The following DOP1B variants were observed in gnomAD, a reference collection of about 807,000 sequenced individuals.
The protein encoded by DOP1B is protein DOP1B.
Under a neutral mutation model 233.5 loss-of-function variants are expected in DOP1B, and 174 were observed. The ratio of observed to expected loss-of-function variants is 0.75; its 90% CI spans 0.66 to 0.85. The LOEUF is 0.85. Ranked by LOEUF, DOP1B falls within the 40% of genes least tolerant of loss-of-function variation. DOP1B has a pLI of 0.00. For missense variants in DOP1B, 2,652 were observed against 2,846.6 expected, an observed-to-expected ratio of 0.93 and a Z score of 1.56; for synonymous variants, 1,190 against 1,185.6, an observed-to-expected ratio of 1.00 and a Z score of -0.08.
chr21:36,221,531 A>G (rs2066622681), intron 10 of DOP1B, among the ~76,000 whole-genome samples: 1 of 151,992 alleles, frequency 6.6e-6, no homozygotes, highest in Non-Finnish European at 1.5e-5. Flanking sequence ...TGACTGACCA[A>G]TTTCTTATTG....
intron 12 of DOP1B, among the ~76,000 whole-genome samples, chr21:36,225,945 C>T (rs909424853): frequency 6.6e-6 from 1 of 152,214 alleles, no homozygotes; most frequent in African/African-American, 2.4e-5. Context: ...TCCCGTACTA[C>T]AGTTACTTTA....
At chr21:36,280,245 C>T in intron 30 of DOP1B, 40 bp from the exon 31 acceptor site, 1 of 1,356,844 alleles carries the variant, frequency 7.4e-7, no homozygotes, top group Non-Finnish European at 1.0e-6. Flanking sequence ...AACTATCATC[C>T]ACTGCAAATT....
At chr21:36,199,312 C>T (rs2066331112) in intron 3 of DOP1B, 61 bp downstream of exon 3, 1 of 1,549,536 alleles carries the variant, frequency 6.5e-7, no homozygotes, top group African/African-American at 1.4e-5. Context: ...TTTCAGCTCA[C>T]AAGATGAGAA....
At chr21:36,178,219 A>G (rs1396846571) in intron 2 of DOP1B, among the ~76,000 whole-genome samples, 1 of 152,208 alleles carries the variant, frequency 6.6e-6, no homozygotes. Flanking sequence ...GGGCAGGCAC[A>G]GTGGCTCACA....
intron 32 of DOP1B, among the ~76,000 whole-genome samples, chr21:36,282,133 A>G (rs2067424101): frequency 6.6e-6 from 1 of 152,138 alleles, no homozygotes; most frequent in Non-Finnish European, 1.5e-5. Context: ...TTTAAAATCA[A>G]TTATAGGTCA....
intron 12 of DOP1B, among the ~76,000 whole-genome samples, chr21:36,227,154 GC>G (rs2066696561): frequency 6.7e-6 from 1 of 150,124 alleles, no homozygotes; most frequent in Admixed American, 6.7e-5. Flanking sequence ...CTTGCAGTGA[GC>G]CGAGATCACA....
Position 36,245,227 on chromosome 21 carries a change from G to A in DOP1B, c.3247G>A (p.Glu1083Lys), listed in dbSNP as rs752679000. ...GCCCGAGAAGTACCCGCTGCGAGGC[G>A]AGCTGAGCGAGGAAGAGCTGCCCTA... ...KEPEKYPLRGELSEEELPYYV... is the reference protein window; with the variant it reads ...KEPEKYPLRGKLSEEELPYYV... Residue 1083 changes from glutamate to lysine, a missense_variant, in exon 19 of 37, where the codon GAG becomes AAG. Glu to Lys is a moderately conservative substitution (Grantham distance 56, BLOSUM62 1). Around this residue, in one of 3 missense-constraint regions of DOP1B, gnomAD observed 2,617 missense variants for 2,794.3 expected, o/e 0.94. Coordinates refer to ENST00000691173, the MANE Select transcript of DOP1B (RefSeq NM_001320714.2). The surrounding 1 kb of genome is among the most constrained non-coding windows in gnomAD (Gnocchi z 5.5). 1.9e-5 allele frequency: 30 copies of A among 1,614,112 alleles called. No individual in the cohort carries two copies. The highest frequency in any genetic ancestry group is 1.6e-4 in the Middle Eastern group (1 of 6,062).
intron 20 of DOP1B, 126 bp from the exon 21 acceptor site, chr21:36,248,254 C>A (rs2066991614): frequency 3.4e-6 from 3 of 870,304 alleles, no homozygotes; most frequent in Non-Finnish European, 5.3e-6. Flanking sequence ...CAGACCACCA[C>A]ATGTATGAGT....
chr21:36,194,873 A>G (rs568033371), intron 2 of DOP1B, among the ~76,000 whole-genome samples: 2 of 152,172 alleles, frequency 1.3e-5, no homozygotes, highest in South Asian at 2.1e-4. Flanking sequence ...CTTTTCTTCA[A>G]CAGAAATCAG....
intron 30 of DOP1B, among the ~76,000 whole-genome samples, chr21:36,278,662 G>A (rs1448569726): frequency 2.6e-5 from 4 of 152,176 alleles, no homozygotes; most frequent in Non-Finnish European, 5.9e-5. Context: ...GAGCCCAGGA[G>A]TTCGAGACCA....
At chr21:36,186,894 ACTCGGACCCAGGC>A (rs2066171015) in intron 2 of DOP1B, among the ~76,000 whole-genome samples, 1 of 151,860 alleles carries the variant, frequency 6.6e-6, no homozygotes, top group African/African-American at 2.4e-5. Context: ...TGGAGCCCGG[ACTCGGACCCAGGC>A]CTGCCACTCA....
intron 2 of DOP1B, among the ~76,000 whole-genome samples, chr21:36,179,948 G>T (rs1033151721): frequency 6.6e-6 from 1 of 152,170 alleles, no homozygotes; most frequent in Non-Finnish European, 1.5e-5. Flanking sequence ...GGACACAGGG[G>T]TATGTGCTGG....
intron 21 of DOP1B, 42 bp downstream of exon 21, chr21:36,248,610 G>C (rs745905222): frequency 6.5e-7 from 1 of 1,544,754 alleles, no homozygotes; most frequent in South Asian, 1.2e-5. Flanking sequence ...ACTTGGTCTT[G>C]TATTGTTCCA....
chr21:36,292,254 T>TTC, intron 36 of DOP1B, 21 bp downstream of exon 36: 4 of 1,514,148 alleles, frequency 2.6e-6, no homozygotes, highest in Non-Finnish European at 3.5e-6. Flanking sequence ...TTCTTTTCTT[T>TTC]TCTTTTTTTT....
Position 36,253,774 on chromosome 21 carries a change from T to C in DOP1B, c.5124T>C (p.Ile1708=). The change falls in exon 23 of 37, where the codon ATT becomes ATC. Residue 1708 remains isoleucine (I), a splice_region_variant and synonymous_variant. Coordinates refer to ENST00000691173, the MANE Select transcript of DOP1B (RefSeq NM_001320714.2). The part of the protein sequence containing the change: ...KKAQRHSKMK[I]IPTASASQLT... ...GGAACTTTTTTTTTTCTTGGCAGAT[T>C]ATCCCAACGGCAAGTGCATCCCAGC... The C allele has an allele frequency of 1.2e-6, 2 of 1,610,364 alleles. No individual in the cohort carries two copies. Among genetic ancestry groups the C allele is most frequent in the Non-Finnish European group, 1.7e-6 (2 of 1,178,302 alleles).
chr21:36,225,751 A>C (rs1290374909), intron 12 of DOP1B, 84 bp downstream of exon 12: 1 of 1,341,580 alleles, frequency 7.5e-7, no homozygotes, highest in Non-Finnish European at 1.1e-6. Flanking sequence ...TCAACCTCAC[A>C]TTACTGAAAA....
intron 2 of DOP1B, among the ~76,000 whole-genome samples, chr21:36,180,048 C>A (rs903887684): frequency 6.6e-6 from 1 of 152,022 alleles, no homozygotes; most frequent in African/African-American, 2.4e-5. Flanking sequence ...TCTAGCAGGA[C>A]CACATTCTCT....
At chr21:36,166,754 A>G (rs1397895948) in intron 2 of DOP1B, among the ~76,000 whole-genome samples, 1 of 152,138 alleles carries the variant, frequency 6.6e-6, no homozygotes, top group African/African-American at 2.4e-5. Flanking sequence ...GGCCAAACAC[A>G]CCAGGGGAAC....
intron 2 of DOP1B, among the ~76,000 whole-genome samples, chr21:36,188,330 T>C (rs945058612): frequency 2.6e-5 from 4 of 152,224 alleles, no homozygotes; most frequent in Non-Finnish European, 5.9e-5. Flanking sequence ...CTCCCTGAGA[T>C]GGCTCTCGGC....
Sources: allele counts gnomAD v4.1 joint callset (sites outside exome capture counted in the v4.1 genomes callset), GRCh38; gene constraint gnomAD v4.1.1; regional missense constraint gnomAD v4.1.1; non-coding constraint Gnocchi (gnomAD v3.1); transcripts MANE v1.5; gene names NCBI Gene and HGNC (gene_info 2026-07-23, HGNC 2026-07-21).